The following TTLL4 variants were observed in gnomAD, a reference collection of about 807,000 sequenced individuals.
The protein encoded by TTLL4 is tubulin tyrosine ligase like 4.
A neutral mutation model predicts 122.7 loss-of-function variants in TTLL4; 85 were observed. That is an observed-to-expected ratio of 0.69 (90% confidence interval 0.58 to 0.83). The LOEUF (loss-of-function observed/expected upper bound fraction) is 0.83, where lower values mean the gene tolerates loss of function less well. Among genes scored for constraint, TTLL4 ranks in the 40% least tolerant of loss-of-function variants. The pLI is 0.00. For synonymous variants in TTLL4, 553 were observed against 563.0 expected, an observed-to-expected ratio of 0.98 and a Z score of 0.25; for missense variants, 1,363 against 1,488.6, an observed-to-expected ratio of 0.92 and a Z score of 1.39.
intron 13 of TTLL4, 50 bp from the exon 14 acceptor site, chr2:218,749,203 G>C (rs758739105): frequency 2.5e-6 from 4 of 1,606,890 alleles, no homozygotes; most frequent in Admixed American, 3.4e-5. Context: ...GCTCTGAGTA[G>C]AGCCCTCTGG....
rs145984612 is a variant in TTLL4 at position 218,738,715 on chromosome 2, G to A, written c.1039G>A (p.Gly347Ser). 6 of 1,614,106 alleles carry A rather than the reference G, an allele frequency of 3.7e-6. No individual in the cohort carries two copies. In the African/African-American group the frequency reaches 6.7e-5, roughly 18 times the overall value. ...TEAVRKLTARGFEKMPRQGCQ... is the reference protein window; with the variant it reads ...TEAVRKLTARSFEKMPRQGCQ... ...GGCCGTGAGGAAATTGACCGCAAGAGGCTTTGAGAAGATGCCGAGGCAAGG... is the reference window on the plus strand; with the variant it reads ...GGCCGTGAGGAAATTGACCGCAAGAAGCTTTGAGAAGATGCCGAGGCAAGG... Residue 347 changes from glycine to serine, a missense_variant, in exon 3 of 20, where the codon GGC becomes AGC. By Grantham distance (56) the Gly-to-Ser change is moderately conservative. Transcript: ENST00000392102.
intron 19 of TTLL4, 79 bp from the exon 20 acceptor site, chr2:218,754,055 C>G: frequency 6.3e-7 from 1 of 1,585,170 alleles, no homozygotes; most frequent in Non-Finnish European, 8.6e-7. Flanking sequence ...ATGCCTGCTC[C>G]AGACTGAAGG....
At chr2:218,735,051 T>C (rs1942478937) in intron 2 of TTLL4, among the ~76,000 whole-genome samples, 1 of 152,164 alleles carries the variant, frequency 6.6e-6, no homozygotes, top group African/African-American at 2.4e-5. Context: ...CAGTGCTGCA[T>C]TGTGATTTTT....
intron 1 of TTLL4, among the ~76,000 whole-genome samples, chr2:218,717,999 C>G (rs1368551173): frequency 6.6e-6 from 1 of 152,156 alleles, no homozygotes; most frequent in African/African-American, 2.4e-5. Context: ...CCGTGTTAAC[C>G]AGGATGGTTT....
chr2:218,747,604 C>G lies in TTLL4; in HGVS notation c.2257C>G (p.His753Asp), dbSNP rs533198956. Reference sequence around the variant, plus strand: ...GGCCTTTGTCCTATGTAGGTATCTACACAAACCCTACCTCATCAGCGGCAG... The same window carrying G: ...GGCCTTTGTCCTATGTAGGTATCTAGACAAACCCTACCTCATCAGCGGCAG... ...RRPLLVQRYL[H>D]KPYLISGSKF... is the part of the protein sequence containing the mutation. The change falls in exon 11 of 20, where the codon CAC becomes GAC. Residue 753 changes from histidine (H) to aspartate (D), a missense_variant. This residue lies in a region of TTLL4 where 596 missense variants were observed against 655.8 expected (regional missense o/e 0.91). Coordinates refer to ENST00000392102, the MANE Select transcript of TTLL4 (RefSeq NM_014640.5). The surrounding 1 kb of genome is among the most constrained non-coding windows in gnomAD (Gnocchi z 4.7). 2.4e-5 allele frequency: 39 copies of G among 1,614,184 alleles called. 1 individual carries two copies. In the South Asian group the frequency reaches 3.7e-4, roughly 15 times the overall value.
intron 2 of TTLL4, among the ~76,000 whole-genome samples, chr2:218,735,406 AT>A (rs1482377959): frequency 6.6e-6 from 1 of 151,958 alleles, no homozygotes; most frequent in Non-Finnish European, 1.5e-5. Flanking sequence ...CCCTATCTTA[AT>A]AAAAAAATTT....
intron 16 of TTLL4, 104 bp downstream of exon 16, chr2:218,751,910 C>CTTT: frequency 3.5e-5 from 15 of 431,444 alleles, no homozygotes; most frequent in South Asian, 6.7e-5. Flanking sequence ...TTTTCTTTTT[C>CTTT]TTTTTTTTTT....
intron 15 of TTLL4, among the ~76,000 whole-genome samples, chr2:218,750,933 T>A (rs1445864013): frequency 6.6e-6 from 1 of 152,184 alleles, no homozygotes; most frequent in Non-Finnish European, 1.5e-5. Flanking sequence ...GAGTTTATAT[T>A]TACTTAGTAC....
rs148399264 is a variant in TTLL4 at position 218,747,904 on chromosome 2, G to A, written c.2378+179G>A. 2.3e-4 allele frequency: 257 copies of A among 1,127,064 alleles called. No individual in the cohort carries two copies. The African/African-American group carries it at 3.7e-3, about 16-fold the overall frequency. 69.8% of individuals were successfully genotyped at this position (1,127,064 alleles called of 1,614,324 possible). On this transcript the variant is annotated intron_variant, in intron 11 of 19. Coordinates refer to ENST00000392102, the MANE Select transcript of TTLL4 (RefSeq NM_014640.5). This position sits in a 1 kb window ranked among gnomAD's most constrained non-coding sequence, Gnocchi z 4.7. ...ATCTGGGGAGGGTCTTCCTGCATGC[G>A]GGACTGAGGTGGGATAAAGGAGATG...
chr2:218,716,081 A>C (rs1386428821), intron 1 of TTLL4, among the ~76,000 whole-genome samples: 1 of 152,220 alleles, frequency 6.6e-6, no homozygotes, highest in Non-Finnish European at 1.5e-5. Context: ...CAAAAAAATC[A>C]TATCACCACA....
At chr2:218,712,007 C>T (rs1365564430) in intron 1 of TTLL4, among the ~76,000 whole-genome samples, 1 of 151,890 alleles carries the variant, frequency 6.6e-6, no homozygotes, top group Non-Finnish European at 1.5e-5. Context: ...CCACTTTGTG[C>T]TCAGAAAGTT....
At chr2:218,711,372 C>T (rs898159173) in intron 1 of TTLL4, among the ~76,000 whole-genome samples, 2 of 152,204 alleles carry the variant, frequency 1.3e-5, no homozygotes, top group Non-Finnish European at 2.9e-5. Context: ...GGTTTAAATT[C>T]CCTCTGGGTG....
rs377589036 is a variant in TTLL4 at position 218,752,784 on chromosome 2, G to A, written c.2998G>A (p.Asp1000Asn). Residue 1000 changes from aspartate (D) to asparagine (N), a missense_variant, in exon 17 of 20, where the codon GAT becomes AAT. Asp to Asn is a conservative substitution (Grantham distance 23, BLOSUM62 1). Around this residue, in one of 3 missense-constraint regions of TTLL4, gnomAD observed 596 missense variants for 655.8 expected, o/e 0.91. Transcript: ENST00000392102. The stretch of plus-strand genomic sequence containing the variant: ...ACAGGACTTCTATGCATCTGTGCTG[G>A]ATGTCCTGACACCAGATGATGTTCG... The part of the protein sequence containing the change: ...PDQDFYASVL[D>N]VLTPDDVRIL... The A allele has an allele frequency of 1.2e-6, 2 of 1,614,176 alleles. No individual in the cohort carries two copies. The highest frequency in any genetic ancestry group is 1.7e-6 in the Non-Finnish European group (2 of 1,180,040).
rs748681528 is a variant in TTLL4, at chr2:218,754,371, C to T, written c.3582C>T (p.Leu1194=). Residue 1194 remains leucine, a synonymous_variant, in exon 20 of 20, where the codon CTC becomes CTT. Transcript: ENST00000392102. ...SSTFQSISDS[L]LAVSP is the part of the protein sequence containing the mutation. ...CTTTCCAGTCAATCAGTGACTCCCT[C>T]CTGGCTGTGAGCCCATAACTGGCCT... 3.7e-6 allele frequency: 6 copies of T among 1,614,224 alleles called. No individual in the cohort carries two copies. Among genetic ancestry groups the T allele is most frequent in the Non-Finnish European group, 5.1e-6 (6 of 1,180,040 alleles).
intron 1 of TTLL4, among the ~76,000 whole-genome samples, chr2:218,722,419 A>G (rs1290638253): frequency 1.3e-5 from 2 of 151,754 alleles, no homozygotes; most frequent in Non-Finnish European, 2.9e-5. Context: ...ATAGTGGAGG[A>G]ATGAAATGGA....
intron 2 of TTLL4, among the ~76,000 whole-genome samples, chr2:218,731,351 C>A (rs1030918195): frequency 2.0e-4 from 30 of 151,228 alleles, no homozygotes; most frequent in African/African-American, 6.1e-4. Context: ...GCAGAGGTTG[C>A]AGTGAGCCAA....
intron 5 of TTLL4, 141 bp from the exon 6 acceptor site, chr2:218,744,968 A>G: frequency 2.7e-6 from 3 of 1,125,710 alleles, no homozygotes; most frequent in Non-Finnish European, 3.7e-6. Context: ...GTACAAAATA[A>G]TTATTAATTA....
intron 2 of TTLL4, among the ~76,000 whole-genome samples, chr2:218,733,142 G>A (rs1460330312): frequency 6.6e-6 from 1 of 152,082 alleles, no homozygotes; most frequent in Non-Finnish European, 1.5e-5. Context: ...CTTGGCCCTT[G>A]AGTCCAGACA....
chr2:218,749,845 T>C (rs1485361455), intron 14 of TTLL4, among the ~76,000 whole-genome samples, 164 bp from the exon 15 acceptor site: 1 of 152,124 alleles, frequency 6.6e-6, no homozygotes, highest in Non-Finnish European at 1.5e-5. Flanking sequence ...TTCACCGTCT[T>C]TGGGGCAAGA....
Sources: gnomAD v4.1 joint callset for allele counts (sites outside exome capture counted in the v4.1 genomes callset) on GRCh38, gnomAD v4.1.1 for gene constraint, gnomAD v4.1.1 regional missense constraint, Gnocchi (gnomAD v3.1) non-coding constraint, MANE v1.5 for transcripts, NCBI Gene and HGNC (gene_info 2026-07-23, HGNC 2026-07-21) for gene names.